Variants in KCNN3 observed in about 807,000 individuals in gnomAD.
KCNN3 encodes the protein potassium calcium-activated channel subfamily N member 3.
In KCNN3, 16 loss-of-function variants were observed where a neutral mutation model predicts 62.9. The observed-to-expected ratio is 0.25, with a 90% CI of 0.17 to 0.39. The LOEUF (loss-of-function observed/expected upper bound fraction) is 0.39. Among genes scored for constraint, KCNN3 ranks in the 10% least tolerant of loss-of-function variants. KCNN3 has a pLI of 1.00. For synonymous variants in KCNN3, 370 were observed against 389.2 expected (o/e 0.95, Z 0.58); for missense variants, 599 against 949.4 (o/e 0.63, Z 4.85).
chr1:154,819,206 A>T (rs1289487999), intron 2 of KCNN3, among the ~76,000 whole-genome samples: 4 of 152,188 alleles, frequency 2.6e-5, no homozygotes, highest in Admixed American at 2.0e-4. Flanking sequence ...CGCAGGAAGC[A>T]GGTTCCGCAG....
At chr1:154,824,508 A>G (rs552367871) in intron 1 of KCNN3, among the ~76,000 whole-genome samples, 1 of 152,366 alleles carries the variant, frequency 6.6e-6, no homozygotes, top group African/African-American at 2.4e-5. Flanking sequence ...AGGAACACTC[A>G]GACTGTATTA....
At chr1:154,766,911 G>A (rs554047418) in intron 3 of KCNN3, among the ~76,000 whole-genome samples, 3 of 152,188 alleles carry the variant, frequency 2.0e-5, no homozygotes, top group Admixed American at 6.5e-5. Context: ...TCGATCTCCT[G>A]ACCTCGTGAT....
At chr1:154,800,783 G>T (rs1038763143) in intron 2 of KCNN3, among the ~76,000 whole-genome samples, 1 of 152,250 alleles carries the variant, frequency 6.6e-6, no homozygotes, top group Non-Finnish European at 1.5e-5. Flanking sequence ...GGTACCTCAC[G>T]CCTGTAATCC....
intron 3 of KCNN3, among the ~76,000 whole-genome samples, chr1:154,739,189 A>G (rs1700775797): frequency 6.6e-6 from 1 of 152,248 alleles, no homozygotes. Context: ...GACAGCAAAT[A>G]CCACGGAAGG....
intron 1 of KCNN3, among the ~76,000 whole-genome samples, chr1:154,860,467 C>A (rs1652726145): frequency 6.6e-6 from 1 of 152,162 alleles, no homozygotes; most frequent in Non-Finnish European, 1.5e-5. Flanking sequence ...CTGCCCAGAC[C>A]ACAAATTGCT....
At chr1:154,821,196 A>T (rs772061552) in intron 2 of KCNN3, among the ~76,000 whole-genome samples, 3 of 151,976 alleles carry the variant, frequency 2.0e-5, no homozygotes, top group Non-Finnish European at 2.9e-5. Flanking sequence ...AGTTTTTCTG[A>T]CTCTGAGCTC....
intron 3 of KCNN3, among the ~76,000 whole-genome samples, chr1:154,736,710 C>A (rs1247925689): frequency 6.6e-6 from 1 of 152,174 alleles, no homozygotes; most frequent in Non-Finnish European, 1.5e-5. Context: ...ACTCGTGCTC[C>A]CTGGCTGTTT....
intron 1 of KCNN3, among the ~76,000 whole-genome samples, chr1:154,833,639 A>G (rs1651464332): frequency 6.6e-6 from 1 of 152,204 alleles, no homozygotes; most frequent in Admixed American, 6.5e-5. Context: ...CACACCAGTA[A>G]CAGAAAGGGC....
At chr1:154,804,365 G>C (rs147774498) in intron 2 of KCNN3, among the ~76,000 whole-genome samples, 1 of 152,374 alleles carries the variant, frequency 6.6e-6, no homozygotes, top group Non-Finnish European at 1.5e-5. Flanking sequence ...CGCACTAAGA[G>C]TTTTTTATTA....
intron 1 of KCNN3, among the ~76,000 whole-genome samples, chr1:154,863,767 A>G (rs1652855994): frequency 6.6e-6 from 1 of 152,232 alleles, no homozygotes; most frequent in African/African-American, 2.4e-5. Context: ...TAGGCTGTGC[A>G]GGAGATAAGT....
At chr1:154,761,191 G>A (rs1647993433) in intron 3 of KCNN3, among the ~76,000 whole-genome samples, 1 of 152,150 alleles carries the variant, frequency 6.6e-6, no homozygotes. Context: ...TCAACTTAAT[G>A]TTTACATGTA....
At chr1:154,820,324 G>A (rs568443168) in intron 2 of KCNN3, among the ~76,000 whole-genome samples, 1 of 152,240 alleles carries the variant, frequency 6.6e-6, no homozygotes, top group Admixed American at 6.5e-5. Context: ...GCAGAAAGAG[G>A]AAGTAATCAG....
intron 5 of KCNN3, among the ~76,000 whole-genome samples, chr1:154,721,135 CAAG>C (rs2101774919): frequency 1.3e-5 from 2 of 152,156 alleles, no homozygotes; most frequent in East Asian, 3.9e-4. Flanking sequence ...ACCCCTGCAG[CAAG>C]AAGGAGATAG....
intron 3 of KCNN3, among the ~76,000 whole-genome samples, chr1:154,771,317 G>T (rs981027684): frequency 6.6e-6 from 1 of 152,084 alleles, no homozygotes; most frequent in Non-Finnish European, 1.5e-5. Context: ...CCAACCACCA[G>T]CCTCCTAAAA....
chr1:154,812,312 G>C (rs1488017689), intron 2 of KCNN3, among the ~76,000 whole-genome samples: 1 of 151,872 alleles, frequency 6.6e-6, no homozygotes, highest in Non-Finnish European at 1.5e-5. Flanking sequence ...ACAACGTGCA[G>C]GTTTGTTACA....
At position 154,698,817 on chromosome 1, in the gene KCNN3, A is replaced by T. The variant is rs929972154; in HGVS notation, c.*9159T>A. 4 of 152,198 alleles carry T rather than the reference A, an allele frequency of 2.6e-5. No homozygotes were observed. Among genetic ancestry groups the T allele is most frequent in the African/African-American group, 9.7e-5 (4 of 41,430 alleles). The allele number at this position is 152,198 out of a possible 1,614,324, so 9.4% of individuals were successfully genotyped here. On this transcript the variant is annotated 3_prime_UTR_variant, in exon 8 of 8. Transcript: ENST00000271915. ...CCTTCTGTGTGTGTTACCAAAAGGA[A>T]GCCATATTTGGAGCTGGTCTAAGCT...
intron 3 of KCNN3, among the ~76,000 whole-genome samples, chr1:154,741,765 T>C (rs1206275839): frequency 6.6e-6 from 1 of 151,826 alleles, no homozygotes; most frequent in Non-Finnish European, 1.5e-5. Context: ...ATGACGGCTC[T>C]AGCCATTTGT....
chr1:154,768,618 A>T (rs1449197752), intron 3 of KCNN3, among the ~76,000 whole-genome samples: 1 of 152,196 alleles, frequency 6.6e-6, no homozygotes, highest in Non-Finnish European at 1.5e-5. Flanking sequence ...CCACACTGAC[A>T]AATCCCCTCG....
At chr1:154,855,991 C>A (rs1652507092) in intron 1 of KCNN3, among the ~76,000 whole-genome samples, 1 of 152,198 alleles carries the variant, frequency 6.6e-6, no homozygotes, top group Non-Finnish European at 1.5e-5. Flanking sequence ...CCCGCTGCCA[C>A]CCATGCTCCC....
Sources: gnomAD v4.1 joint callset for allele counts (sites outside exome capture counted in the v4.1 genomes callset) on GRCh38, gnomAD v4.1.1 for gene constraint, MANE v1.5 for transcripts, NCBI Gene and HGNC (gene_info 2026-07-23, HGNC 2026-07-21) for gene names.